APBA2: variants seen among roughly 807,000 people sequenced by gnomAD.
The protein encoded by APBA2 is amyloid-beta A4 precursor protein-binding family A member 2.
In APBA2, 30 loss-of-function variants were observed where a neutral mutation model predicts 75.0. That is an observed-to-expected ratio of 0.40 (90% confidence interval 0.30 to 0.54). APBA2 has a LOEUF of 0.54. Among genes scored for constraint, APBA2 ranks in the 20% least tolerant of loss-of-function variants. The pLI, the probability that APBA2 is intolerant of heterozygous loss-of-function variation, is 0.49. For synonymous variants in APBA2, 444 were observed against 409.6 expected (o/e 1.08, Z -1.01); for missense variants, 801 against 1,016.1 (o/e 0.79, Z 2.88).
intron 4 of APBA2, among the ~76,000 whole-genome samples, chr15:29,068,158 C>T (rs2042457342): frequency 6.6e-6 from 1 of 152,198 alleles, no homozygotes. Flanking sequence ...GTCAAGCCTT[C>T]TGGGAGAACT....
chr15:29,017,828 C>G (rs917959191), intron 3 of APBA2, among the ~76,000 whole-genome samples: 31 of 152,112 alleles, frequency 2.0e-4, no homozygotes, highest in African/African-American at 7.2e-4. Flanking sequence ...TGTGTTTCTG[C>G]GGCAATATCT....
At chr15:28,994,150 A>C (rs904373001) in intron 2 of APBA2, among the ~76,000 whole-genome samples, 2 of 152,172 alleles carry the variant, frequency 1.3e-5, no homozygotes, top group African/African-American at 4.8e-5. Context: ...TTTGATGCTA[A>C]TGTGATTCCA....
chr15:28,998,724 G>A (rs2038679337), intron 3 of APBA2, among the ~76,000 whole-genome samples: 1 of 152,202 alleles, frequency 6.6e-6, no homozygotes, highest in African/African-American at 2.4e-5. Flanking sequence ...AGGAAGCCAG[G>A]AGGTGGCAGA....
At position 29,101,678 on chromosome 15, in the gene APBA2, G is replaced by A. The variant is rs1216871912; in HGVS notation, c.1418G>A (p.Arg473His). 4.3e-6 allele frequency: 7 copies of A among 1,613,704 alleles called. No individual in the cohort carries two copies. The highest frequency in any genetic ancestry group is 1.7e-5 in the Admixed American group (1 of 60,024). Residue 473 changes from arginine (R) to histidine (H), a missense_variant, in exon 10 of 15, where the codon CGC becomes CAC. Coordinates refer to ENST00000683413, the MANE Select transcript of APBA2 (RefSeq NM_001353788.2). The stretch of plus-strand genomic sequence containing the variant: ...AACATTGTAGTGCTGATGGCCAGAC[G>A]CCGCATGCCCCGGTCAGCCTCTCAG... ...IGNIVVLMAR[R>H]RMPRSASQDC... is the part of the protein sequence containing the mutation.
chr15:29,002,668 A>C (rs1040979009), intron 3 of APBA2, among the ~76,000 whole-genome samples: 4 of 152,038 alleles, frequency 2.6e-5, no homozygotes, highest in Non-Finnish European at 5.9e-5. Flanking sequence ...TTCATTGTTC[A>C]TCTAAAAGTG....
chr15:28,905,148 G>A (rs1380007179), intron 1 of APBA2, among the ~76,000 whole-genome samples: 3 of 152,142 alleles, frequency 2.0e-5, no homozygotes, highest in South Asian at 2.1e-4. Flanking sequence ...CTGGTGTCCC[G>A]GAGCTGTTGG....
intron 1 of APBA2, among the ~76,000 whole-genome samples, chr15:28,895,297 GCACGCAGGCTGTC>G (rs1367131365): frequency 6.6e-6 from 1 of 152,152 alleles, no homozygotes; most frequent in Non-Finnish European, 1.5e-5. Flanking sequence ...GCCTGGCTGG[GCACGCAGGCTGTC>G]CTTACGGGGC....
At chr15:28,934,860 G>C (rs187818873) in intron 2 of APBA2, among the ~76,000 whole-genome samples, 1 of 152,180 alleles carries the variant, frequency 6.6e-6, no homozygotes, top group Admixed American at 6.5e-5. Context: ...GTGTTTCCCC[G>C]TCAGGAGAGC....
intron 3 of APBA2, among the ~76,000 whole-genome samples, chr15:29,012,896 A>ATCAC (rs1406534851): frequency 2.6e-5 from 4 of 152,214 alleles, no homozygotes; most frequent in Admixed American, 1.3e-4. Context: ...TTTGGCTTCC[A>ATCAC]TCACTCACAA....
chr15:28,899,765 A>G (rs1191066880), intron 1 of APBA2, among the ~76,000 whole-genome samples: 1 of 152,080 alleles, frequency 6.6e-6, no homozygotes, highest in Non-Finnish European at 1.5e-5. Flanking sequence ...CAGAATGAGC[A>G]TGTAGGGACC....
intron 10 of APBA2, among the ~76,000 whole-genome samples, chr15:29,104,277 G>A (rs537912700): frequency 6.6e-6 from 1 of 152,228 alleles, no homozygotes; most frequent in Non-Finnish European, 1.5e-5. Context: ...TGAGGAGCAG[G>A]ACAGCGCATA....
chr15:28,908,576 T>C (rs1490005270), intron 1 of APBA2, among the ~76,000 whole-genome samples: 1 of 152,112 alleles, frequency 6.6e-6, no homozygotes, highest in Non-Finnish European at 1.5e-5. Context: ...GTCAAAGTGC[T>C]GGGATTACAG....
chr15:28,954,378 C>G (rs928640220), intron 2 of APBA2, among the ~76,000 whole-genome samples: 8 of 152,150 alleles, frequency 5.3e-5, no homozygotes, highest in African/African-American at 1.7e-4. Flanking sequence ...GCTGGAAGCC[C>G]CTCCTCAACT....
chr15:28,927,221 C>T (rs1333186858), intron 2 of APBA2, among the ~76,000 whole-genome samples: 1 of 152,022 alleles, frequency 6.6e-6, no homozygotes, highest in Non-Finnish European at 1.5e-5. Context: ...TTATCTTTAC[C>T]CCTCTATAGA....
At chr15:28,888,446 G>C (rs999719466) in intron 1 of APBA2, among the ~76,000 whole-genome samples, 1 of 152,180 alleles carries the variant, frequency 6.6e-6, no homozygotes, top group Non-Finnish European at 1.5e-5. Context: ...TGGGGAGAGT[G>C]GGGGTTGAGC....
intron 3 of APBA2, among the ~76,000 whole-genome samples, chr15:29,039,773 C>A (rs967003788): frequency 1.3e-5 from 2 of 152,168 alleles, no homozygotes; most frequent in African/African-American, 4.8e-5. Context: ...TAATGTACCT[C>A]CCCAAATCTG....
At chr15:28,907,778 A>G (rs1008738749) in intron 1 of APBA2, among the ~76,000 whole-genome samples, 7 of 152,184 alleles carry the variant, frequency 4.6e-5, no homozygotes, top group Non-Finnish European at 8.8e-5. Context: ...ACTCTGTGTG[A>G]TGCTGAAAAC....
intron 1 of APBA2, among the ~76,000 whole-genome samples, chr15:28,907,581 A>C (rs944814243): frequency 6.6e-6 from 1 of 152,084 alleles, no homozygotes; most frequent in Non-Finnish European, 1.5e-5. Flanking sequence ...GGGAGCCCCC[A>C]GCGGGATGGT....
chr15:28,983,616 C>T (rs115309791), intron 2 of APBA2, among the ~76,000 whole-genome samples: 2 of 152,354 alleles, frequency 1.3e-5, no homozygotes, highest in East Asian at 3.9e-4. Flanking sequence ...GGAGCGCTGT[C>T]GGCTCATGGG....
Sources: gnomAD v4.1 joint callset for allele counts (sites outside exome capture counted in the v4.1 genomes callset) on GRCh38, gnomAD v4.1.1 for gene constraint, MANE v1.5 for transcripts, NCBI Gene and HGNC (gene_info 2026-07-23, HGNC 2026-07-21) for gene names.